The following INPP5D variants were observed in gnomAD, a reference collection of about 807,000 sequenced individuals.
The protein encoded by INPP5D is phosphatidylinositol 3,4,5-trisphosphate 5-phosphatase 1.
A neutral mutation model predicts 122.9 loss-of-function variants in INPP5D; 33 were observed. The ratio of observed to expected loss-of-function variants is 0.27; its 90% CI spans 0.20 to 0.36. INPP5D has a LOEUF of 0.36. Among genes scored for constraint, INPP5D ranks in the 10% least tolerant of loss-of-function variants. The pLI is 1.00. For synonymous variants in INPP5D, 584 were observed against 576.2 expected, an observed-to-expected ratio of 1.01 and a Z score of -0.19; for missense variants, 1,053 against 1,412.7, an observed-to-expected ratio of 0.75 and a Z score of 4.08.
intron 4 of INPP5D, among the ~76,000 whole-genome samples, chr2:233,127,081 C>T (rs779122005): frequency 2.2e-4 from 33 of 152,192 alleles, no homozygotes; most frequent in Admixed American, 3.9e-4. Flanking sequence ...GTACACCTCC[C>T]GCCAACTCCA....
At chr2:233,176,892 G>A (rs1051474159) in intron 17 of INPP5D, among the ~76,000 whole-genome samples, 3 of 151,984 alleles carry the variant, frequency 2.0e-5, no homozygotes, top group African/African-American at 7.3e-5. Context: ...GGGGGTGGAA[G>A]CTGAAGTGTG....
chr2:233,203,137 G>A (rs528610216), intron 25 of INPP5D, among the ~76,000 whole-genome samples: 1 of 152,322 alleles, frequency 6.6e-6, no homozygotes, highest in South Asian at 2.1e-4. Flanking sequence ...CATGAGTTTG[G>A]TAGATGGAGC....
chr2:233,164,280 A>C lies in INPP5D; in HGVS notation c.1438-27A>C. On this transcript the variant is annotated intron_variant, in intron 12 of 26. Transcript: ENST00000445964. The surrounding 1 kb of genome is among the most constrained non-coding windows in gnomAD (Gnocchi z 4.3). ...TGGTTCACACCCTACACTTGGGCCGAGTATTGCAACGTTGTCCTCCCACCA... is the reference window on the plus strand; with the variant it reads ...TGGTTCACACCCTACACTTGGGCCGCGTATTGCAACGTTGTCCTCCCACCA... The C allele has an allele frequency of 6.5e-7, 1 of 1,535,854 alleles. No homozygotes were observed. Among genetic ancestry groups the C allele is most frequent in the Non-Finnish European group, 8.8e-7 (1 of 1,138,028 alleles).
Position 233,195,431 on chromosome 2 carries a change from G to A in INPP5D, c.2629G>A (p.Gly877Arg). Residue 877 changes from glycine (G) to arginine (R), a missense_variant, in exon 24 of 27, where the codon GGG becomes AGG. This residue lies in a region of INPP5D where 258 missense variants were observed against 439.1 expected (regional missense o/e 0.59). Coordinates refer to ENST00000445964, the MANE Select transcript of INPP5D (RefSeq NM_001017915.3). ...FVKTERDESS[G>R]PKTLKSLTSH... ...GAAGACGGAGCGTGATGAATCCAGTGGGCCAAAGACCCTGAAGAGCCTCAC... is the reference window on the plus strand; with the variant it reads ...GAAGACGGAGCGTGATGAATCCAGTAGGCCAAAGACCCTGAAGAGCCTCAC... 1 of 1,613,888 alleles carries A rather than the reference G, an allele frequency of 6.2e-7. No individual in the cohort carries two copies. Among genetic ancestry groups the A allele is most frequent in the Non-Finnish European group, 8.5e-7 (1 of 1,179,866 alleles).
At chr2:233,061,382 C>T (rs1691070437) in intron 1 of INPP5D, among the ~76,000 whole-genome samples, 1 of 152,138 alleles carries the variant, frequency 6.6e-6, no homozygotes, top group Non-Finnish European at 1.5e-5. Flanking sequence ...CTGAAGGAGG[C>T]CCTTGCCCTG....
chr2:233,184,620 G>C, intron 20 of INPP5D, 99 bp downstream of exon 20: 1 of 1,492,204 alleles, frequency 6.7e-7, no homozygotes, highest in South Asian at 1.3e-5. Context: ...TCTCTCCCTG[G>C]AAAGGACTCA....
intron 5 of INPP5D, among the ~76,000 whole-genome samples, chr2:233,133,106 T>C (rs1335091129): frequency 6.6e-6 from 1 of 152,022 alleles, no homozygotes; most frequent in Non-Finnish European, 1.5e-5. Context: ...CTAATTGTTA[T>C]ATTTTTTGTA....
Position 233,184,490 on chromosome 2 carries a change from C to G in INPP5D, c.2244C>G (p.Phe748Leu). Residue 748 changes from phenylalanine to leucine, a missense_variant, in exon 20 of 27, where the codon TTC (phenylalanine) becomes TTG (leucine). Coordinates refer to ENST00000445964, the MANE Select transcript of INPP5D (RefSeq NM_001017915.3). ...TGAAGACCAAGTCCCAGACCAAATT[C>G]TACCTGGAGTTCCACTCGAGCTGCT... ...ATLKTKSQTK[F>L]YLEFHSSCLE... The G allele has an allele frequency of 6.2e-7, 1 of 1,614,050 alleles. No homozygotes were observed.
At chr2:233,167,137 A>T (rs754302627) in intron 13 of INPP5D, among the ~76,000 whole-genome samples, 3 of 150,696 alleles carry the variant, frequency 2.0e-5, no homozygotes, top group Middle Eastern at 3.2e-3. Context: ...TTGGGAGGCC[A>T]AGGTGGGAGG....
intron 9 of INPP5D, among the ~76,000 whole-genome samples, chr2:233,151,500 C>T (rs1693923406): frequency 6.6e-6 from 1 of 152,132 alleles, no homozygotes; most frequent in African/African-American, 2.4e-5. Flanking sequence ...CATCAGAGCA[C>T]AATTGACTCC....
intron 21 of INPP5D, 61 bp downstream of exon 21, chr2:233,185,986 A>C: frequency 6.7e-7 from 1 of 1,494,002 alleles, no homozygotes; most frequent in Non-Finnish European, 9.0e-7. Flanking sequence ...CAGTAGTACC[A>C]GCCAGTGGCA....
intron 5 of INPP5D, among the ~76,000 whole-genome samples, chr2:233,132,805 C>T (rs969043293): frequency 6.6e-6 from 1 of 152,136 alleles, no homozygotes; most frequent in Admixed American, 6.6e-5. Context: ...ATGCACAAGC[C>T]TCTTGCTCTT....
At chr2:233,118,413 G>A (rs1325536651) in intron 2 of INPP5D, among the ~76,000 whole-genome samples, 3 of 152,074 alleles carry the variant, frequency 2.0e-5, no homozygotes, top group Non-Finnish European at 2.9e-5. Flanking sequence ...CCACCCCTCC[G>A]CTGTCTGGGC....
At chr2:233,111,053 T>G (rs1401537214) in intron 2 of INPP5D, among the ~76,000 whole-genome samples, 1 of 152,222 alleles carries the variant, frequency 6.6e-6, no homozygotes, top group Non-Finnish European at 1.5e-5. Flanking sequence ...TTTACCCAAT[T>G]AATGTTTTAG....
chr2:233,073,932 CCAA>C (rs1228426462), intron 1 of INPP5D, among the ~76,000 whole-genome samples: 1 of 152,184 alleles, frequency 6.6e-6, no homozygotes, highest in Non-Finnish European at 1.5e-5. Flanking sequence ...ATCAATCCCT[CCAA>C]TTTCTGATAT....
At chr2:233,064,510 C>T (rs1691157790) in intron 1 of INPP5D, among the ~76,000 whole-genome samples, 1 of 152,232 alleles carries the variant, frequency 6.6e-6, no homozygotes, top group Non-Finnish European at 1.5e-5. Flanking sequence ...GAGCTCTGTG[C>T]CAGGCACCAT....
chr2:233,088,494 G>C (rs1178939283), intron 2 of INPP5D, among the ~76,000 whole-genome samples: 1 of 152,216 alleles, frequency 6.6e-6, no homozygotes, highest in African/African-American at 2.4e-5. Context: ...CGGGTCTTCA[G>C]GGTGGTGTAA....
At chr2:233,202,980 CT>C (rs1430009216) in intron 25 of INPP5D, among the ~76,000 whole-genome samples, 1 of 152,214 alleles carries the variant, frequency 6.6e-6, no homozygotes, top group Non-Finnish European at 1.5e-5. Flanking sequence ...CCACGTGTTC[CT>C]TCCACTGTGA....
chr2:233,151,923 G>T (rs923329955), intron 9 of INPP5D, among the ~76,000 whole-genome samples: 1 of 152,260 alleles, frequency 6.6e-6, no homozygotes. Flanking sequence ...ATGAATCTAT[G>T]CATGAGTGAG....
Sources: allele counts gnomAD v4.1 joint callset (sites outside exome capture counted in the v4.1 genomes callset), GRCh38; gene constraint gnomAD v4.1.1; regional missense constraint gnomAD v4.1.1; non-coding constraint Gnocchi (gnomAD v3.1); transcripts MANE v1.5; gene names NCBI Gene and HGNC (gene_info 2026-07-23, HGNC 2026-07-21).